The following DCC variants were observed in gnomAD, a reference collection of about 807,000 sequenced individuals.
The protein encoded by DCC is DCC netrin 1 receptor.
A neutral mutation model predicts 172.5 loss-of-function variants in DCC; 58 were observed. The observed-to-expected ratio is 0.34, with a 90% confidence interval of 0.27 to 0.42. The LOEUF is 0.42. DCC is among the 10% of genes least tolerant of loss of function. DCC has a pLI of 1.00. For missense variants in DCC, 1,740 were observed against 1,791.0 expected (o/e 0.97, Z 0.51); for synonymous variants, 709 against 644.5 (o/e 1.10, Z -1.52).
At chr18:52,860,465 C>G (rs2039123060) in intron 2 of DCC, among the ~76,000 whole-genome samples, 1 of 152,094 alleles carries the variant, frequency 6.6e-6, no homozygotes, top group Admixed American at 6.5e-5. Context: ...GGATTCAGTT[C>G]AAATTATAGA....
At chr18:53,184,836 A>T (rs894610117) in intron 9 of DCC, among the ~76,000 whole-genome samples, 4 of 152,198 alleles carry the variant, frequency 2.6e-5, no homozygotes, top group Non-Finnish European at 5.9e-5. Flanking sequence ...ACAAAATATC[A>T]GTTATATTTA....
intron 21 of DCC, among the ~76,000 whole-genome samples, chr18:53,423,157 CCTT>C (rs1910729026): frequency 6.6e-6 from 1 of 152,164 alleles, no homozygotes; most frequent in South Asian, 2.1e-4. Flanking sequence ...ATAATTTTAA[CCTT>C]CTCACACCTG....
At chr18:53,323,632 G>GTGGATGGA (rs964849139) in intron 14 of DCC, among the ~76,000 whole-genome samples, 1 of 151,988 alleles carries the variant, frequency 6.6e-6, no homozygotes, top group South Asian at 2.1e-4. Flanking sequence ...CTTAGGATGG[G>GTGGATGGA]TGGATGGATG....
intron 1 of DCC, among the ~76,000 whole-genome samples, chr18:52,573,479 CA>C (rs1315976154): frequency 6.6e-6 from 1 of 152,184 alleles, no homozygotes; most frequent in Non-Finnish European, 1.5e-5. Flanking sequence ...TATGTTCTCA[CA>C]ACGAAATTAA....
At chr18:53,526,975 A>C in intron 28 of DCC, 1 of 566,688 alleles carries the variant, frequency 1.8e-6, no homozygotes, top group Non-Finnish European at 3.1e-6. Context: ...GTTATGTAAA[A>C]AAGTTGATTC....
rs2046066724 is a variant in DCC, at chr18:53,499,318, A to C, written c.3919A>C (p.Thr1307Pro). Residue 1307 changes from threonine (T) to proline (P), a missense_variant, in exon 27 of 29, where the codon ACC becomes CCC. Physicochemically the swap from Thr to Pro is conservative, Grantham distance 38 (BLOSUM62 -1). Around this residue, in one of 2 missense-constraint regions of DCC, gnomAD observed 1,732 missense variants for 1,767.4 expected, o/e 0.98. Coordinates refer to ENST00000442544, the MANE Select transcript of DCC (RefSeq NM_005215.4). ...TGCAGCAGTGAGTGAAGGACCAACT[A>C]CCCAACAACCACCTATGCTGCCCCC... ...RSQSVSEGPT[T>P]QQPPMLPPSQ... The C allele has an allele frequency of 6.2e-7, 1 of 1,613,790 alleles. No homozygotes were observed. The highest frequency in any genetic ancestry group is 1.1e-5 in the South Asian group (1 of 91,082).
chr18:52,425,372 T>C (rs1296597648), intron 1 of DCC, among the ~76,000 whole-genome samples: 1 of 152,128 alleles, frequency 6.6e-6, no homozygotes, highest in Non-Finnish European at 1.5e-5. Flanking sequence ...CATGTCTCCT[T>C]GCGTTAGACT....
chr18:52,986,197 G>C (rs907905861), intron 5 of DCC, among the ~76,000 whole-genome samples: 42 of 152,174 alleles, frequency 2.8e-4, no homozygotes, highest in Admixed American at 7.9e-4. Context: ...AGGAGGACTA[G>C]CAGTATGTTG....
chr18:53,167,746 T>C (rs1311371055), intron 8 of DCC, among the ~76,000 whole-genome samples: 1 of 152,154 alleles, frequency 6.6e-6, no homozygotes, highest in Non-Finnish European at 1.5e-5. Context: ...AACATGCATG[T>C]CCATTAATAC....
intron 12 of DCC, among the ~76,000 whole-genome samples, chr18:53,277,534 T>A (rs2056820209): frequency 1.3e-5 from 2 of 152,176 alleles, no homozygotes; most frequent in Non-Finnish European, 2.9e-5. Context: ...TTTGTCTCAT[T>A]CAATTTCTGA....
intron 1 of DCC, among the ~76,000 whole-genome samples, chr18:52,599,319 G>C (rs528208734): frequency 2.1e-4 from 32 of 152,184 alleles, no homozygotes; most frequent in African/African-American, 7.0e-4. Flanking sequence ...AACCTTTTCT[G>C]TGCAGGGCCA....
intron 2 of DCC, among the ~76,000 whole-genome samples, chr18:52,805,049 T>C (rs1393949617): frequency 1.3e-5 from 2 of 152,220 alleles, no homozygotes; most frequent in Non-Finnish European, 2.9e-5. Context: ...TTTCTTAATC[T>C]CTGTGAGCCT....
At chr18:53,351,414 TATAC>T (rs375136216) in intron 15 of DCC, among the ~76,000 whole-genome samples, 6,189 of 13,398 alleles carry the variant, frequency 0.46, 1,147 homozygotes, top group East Asian at 0.62. Flanking sequence ...TATATATATA[TATAC>T]ACACTGTGTA....
chr18:53,419,390 C>G (rs1910502022), intron 21 of DCC, among the ~76,000 whole-genome samples: 1 of 152,030 alleles, frequency 6.6e-6, no homozygotes, highest in African/African-American at 2.4e-5. Flanking sequence ...CTCATTATTT[C>G]TAACTATATT....
chr18:52,382,323 A>G (rs1985619690), intron 1 of DCC, among the ~76,000 whole-genome samples: 1 of 152,182 alleles, frequency 6.6e-6, no homozygotes, highest in Non-Finnish European at 1.5e-5. Context: ...CTTTTGACAT[A>G]TAATTGAAAC....
intron 1 of DCC, among the ~76,000 whole-genome samples, chr18:52,723,828 A>G (rs1418377553): frequency 1.3e-5 from 2 of 152,142 alleles, no homozygotes; most frequent in Non-Finnish European, 2.9e-5. Context: ...AATGAACCAG[A>G]GAGGTAAGGG....
chr18:52,491,941 A>C (rs1307391535), intron 1 of DCC, among the ~76,000 whole-genome samples: 3 of 151,868 alleles, frequency 2.0e-5, no homozygotes, highest in Non-Finnish European at 4.4e-5. Flanking sequence ...GTGTGACATA[A>C]ATTGGATAAT....
At chr18:52,749,110 G>C (rs1372746044) in intron 1 of DCC, among the ~76,000 whole-genome samples, 1 of 152,078 alleles carries the variant, frequency 6.6e-6, no homozygotes, top group Admixed American at 6.5e-5. Flanking sequence ...TGAGGCAGGA[G>C]AGTCACCTGA....
chr18:52,372,888 C>A (rs1985184059), intron 1 of DCC, among the ~76,000 whole-genome samples: 1 of 152,162 alleles, frequency 6.6e-6, no homozygotes. Context: ...GAAGAGACAA[C>A]CATTGGAAAC....
Sources: gnomAD v4.1 joint callset for allele counts (sites outside exome capture counted in the v4.1 genomes callset) on GRCh38, gnomAD v4.1.1 for gene constraint, gnomAD v4.1.1 regional missense constraint, MANE v1.5 for transcripts, NCBI Gene and HGNC (gene_info 2026-07-23, HGNC 2026-07-21) for gene names.